SLC4A4: variants seen among roughly 807,000 people sequenced by gnomAD.
The protein encoded by SLC4A4 is electrogenic sodium bicarbonate cotransporter 1.
SLC4A4 carries 27 observed loss-of-function variants against 111.5 expected under a neutral mutation model. That is an observed-to-expected ratio of 0.24 (90% CI 0.18 to 0.33). The LOEUF is 0.33. SLC4A4 is among the 10% of genes least tolerant of loss of function. The pLI is 1.00. For missense variants in SLC4A4, 909 were observed against 1,315.5 expected (o/e 0.69, Z 4.78); for synonymous variants, 443 against 463.4 (o/e 0.96, Z 0.57).
At chr4:71,564,768 C>T (rs4254735) in intron 24 of SLC4A4, among the ~76,000 whole-genome samples, 138,345 of 151,944 alleles carry the variant, frequency 0.91, 64,103 homozygotes, top group Non-Finnish European at 0.99. Flanking sequence ...GAGGTTACTG[C>T]TATCAAGAAA....
chr4:71,510,554 C>T (rs538101807), intron 16 of SLC4A4, among the ~76,000 whole-genome samples: 1 of 152,138 alleles, frequency 6.6e-6, no homozygotes, highest in African/African-American at 2.4e-5. Flanking sequence ...CAAATACAGA[C>T]ATCCTTGTTT....
Position 71,352,055 on chromosome 4 carries a change from G to A in SLC4A4, c.550+1983G>A, listed in dbSNP as rs73826277. Among the ~76,000 whole-genome samples the A allele has an allele frequency of 7.9e-3, 1,203 of 152,184 alleles. 16 individuals carry two copies. The highest frequency in any genetic ancestry group is 0.026 in the African/African-American group (1,065 of 41,532). Reference sequence around the variant, plus strand: ...AACCCATCTACAAAAACAGAAGCAAGCAGAAAGAATTATTTTCTGGGCCAT... The same window carrying A: ...AACCCATCTACAAAAACAGAAGCAAACAGAAAGAATTATTTTCTGGGCCAT... On this transcript the variant is annotated intron_variant, in intron 5 of 25. Transcript: ENST00000264485.
At chr4:71,509,557 A>T (rs1034429631) in intron 16 of SLC4A4, among the ~76,000 whole-genome samples, 2 of 152,020 alleles carry the variant, frequency 1.3e-5, no homozygotes, top group African/African-American at 4.8e-5. Flanking sequence ...GGCCTACTTC[A>T]TGGGGGTTTG....
chr4:71,146,555 G>A (rs1412613346), intron 2 of SLC4A4, among the ~76,000 whole-genome samples: 1 of 152,176 alleles, frequency 6.6e-6, no homozygotes, highest in Non-Finnish European at 1.5e-5. Flanking sequence ...GGGTGTTAAA[G>A]TCTCCCATTA....
intron 16 of SLC4A4, among the ~76,000 whole-genome samples, chr4:71,523,554 G>A (rs1193024455): frequency 3.3e-5 from 5 of 152,084 alleles, no homozygotes; most frequent in African/African-American, 7.2e-5. Flanking sequence ...GCTTTTAGTG[G>A]TTGCAAAGAG....
chr4:71,307,247 A>G (rs1378966023), intron 3 of SLC4A4, among the ~76,000 whole-genome samples: 1 of 152,212 alleles, frequency 6.6e-6, no homozygotes, highest in Non-Finnish European at 1.5e-5. Flanking sequence ...AAATTAGCCT[A>G]ATTCATAACC....
intron 16 of SLC4A4, among the ~76,000 whole-genome samples, chr4:71,528,691 A>G (rs1021392651): frequency 6.6e-6 from 1 of 152,094 alleles, no homozygotes; most frequent in Non-Finnish European, 1.5e-5. Context: ...AAAAGTTAAA[A>G]ACAATCTAAA....
chr4:71,343,555 T>C (rs1389285107), intron 4 of SLC4A4, among the ~76,000 whole-genome samples: 1 of 152,218 alleles, frequency 6.6e-6, no homozygotes, highest in African/African-American at 2.4e-5. Context: ...GCCAGAAACA[T>C]TGGAGTCTTC....
intron 2 of SLC4A4, among the ~76,000 whole-genome samples, chr4:71,175,600 T>A (rs1745067002): frequency 6.6e-6 from 1 of 152,150 alleles, no homozygotes; most frequent in Non-Finnish European, 1.5e-5. Context: ...CAGTCTGAGA[T>A]CAAACTGCAA....
intron 3 of SLC4A4, among the ~76,000 whole-genome samples, chr4:71,326,508 A>G (rs908209410): frequency 1.9e-4 from 29 of 152,130 alleles, no homozygotes; most frequent in African/African-American, 7.0e-4. Context: ...GGCAATTTAC[A>G]TGCATCTCCA....
intron 7 of SLC4A4, among the ~76,000 whole-genome samples, chr4:71,420,719 C>T (rs1205014001): frequency 2.0e-5 from 3 of 148,840 alleles, no homozygotes; most frequent in Non-Finnish European, 4.5e-5. Context: ...CCCAGAATTT[C>T]ATATCCAGCC....
intron 3 of SLC4A4, among the ~76,000 whole-genome samples, chr4:71,323,182 G>T (rs913384373): frequency 9.2e-5 from 14 of 151,902 alleles, no homozygotes. Context: ...TTATAAATAT[G>T]ATTTTAATGC....
At chr4:71,266,615 G>A (rs537050021) in intron 3 of SLC4A4, among the ~76,000 whole-genome samples, 22 of 152,044 alleles carry the variant, frequency 1.4e-4, no homozygotes, top group Non-Finnish European at 2.9e-4. Context: ...ACTGCTTTTC[G>A]ACTCTTTTTT....
chr4:71,511,955 T>A (rs948146286), intron 16 of SLC4A4, among the ~76,000 whole-genome samples: 1 of 152,204 alleles, frequency 6.6e-6, no homozygotes, highest in Non-Finnish European at 1.5e-5. Context: ...TTTAATTCTT[T>A]TTATGGCTAC....
At chr4:71,376,284 C>A (rs1732383380) in intron 6 of SLC4A4, among the ~76,000 whole-genome samples, 4 of 150,888 alleles carry the variant, frequency 2.7e-5, no homozygotes. Flanking sequence ...TCACTGCAAG[C>A]TCTGCCTCTC....
intron 3 of SLC4A4, among the ~76,000 whole-genome samples, chr4:71,309,408 C>G (rs955974472): frequency 6.6e-6 from 1 of 152,108 alleles, no homozygotes; most frequent in African/African-American, 2.4e-5. Flanking sequence ...CACGTGGGTC[C>G]CTGACCTGCA....
At chr4:71,437,018 A>G (rs1043510379) in intron 7 of SLC4A4, 1 of 370,954 alleles carries the variant, frequency 2.7e-6, no homozygotes, top group Non-Finnish European at 5.2e-6. Context: ...TCAGCTACAG[A>G]TAGGCCAATG....
chr4:71,230,928 G>A lies in SLC4A4; in HGVS notation c.-1-5648G>A, dbSNP rs569942442. On this transcript the variant is annotated intron_variant, in intron 1 of 25. Coordinates refer to ENST00000264485, the MANE Select transcript of SLC4A4 (RefSeq NM_001098484.3). Reference sequence around the variant, plus strand: ...AGTAGCTGCAATCCTGGGTGGCAGGGAAACAGGTGGCTTCACGGTAAAGCA... The same window carrying A: ...AGTAGCTGCAATCCTGGGTGGCAGGAAAACAGGTGGCTTCACGGTAAAGCA... Among the ~76,000 whole-genome samples, 10 of 152,350 alleles carry A rather than the reference G, an allele frequency of 6.6e-5. No homozygotes were observed. The East Asian group carries it at 1.9e-3, about 29-fold the overall frequency.
chr4:71,342,272 A>G lies in SLC4A4; in HGVS notation c.389+2767A>G, dbSNP rs1337765865. On this transcript the variant is annotated intron_variant, in intron 4 of 25. Transcript: ENST00000264485. ...AAAGTAAAATTTTAGTTCCTAAAAC[A>G]TCCTCCAAAAGAAGGCTTCCAAAGC... Among the ~76,000 whole-genome samples the G allele has an allele frequency of 2.6e-5, 4 of 152,220 alleles. No individual in the cohort carries two copies. In the East Asian group the frequency reaches 7.7e-4, roughly 29 times the overall value.
Sources: gnomAD v4.1 joint callset for allele counts (sites outside exome capture counted in the v4.1 genomes callset) on GRCh38, gnomAD v4.1.1 for gene constraint, MANE v1.5 for transcripts, NCBI Gene and HGNC (gene_info 2026-07-23, HGNC 2026-07-21) for gene names.